VIT: variants seen among roughly 807,000 people sequenced by gnomAD.
VIT encodes the protein vitrin.
Under a neutral mutation model 78.0 loss-of-function variants are expected in VIT, and 99 were observed. The ratio of observed to expected loss-of-function variants is 1.27; its 90% CI spans 1.08 to 1.50. The LOEUF (loss-of-function observed/expected upper bound fraction) is 1.50, where lower values mean the gene tolerates loss of function less well. Among genes scored for constraint, VIT ranks in the 40% most tolerant of loss-of-function variants. VIT has a pLI of 0.00. For missense variants in VIT, 1,126 were observed against 875.3 expected (o/e 1.29, Z -3.61); for synonymous variants, 374 against 334.3 (o/e 1.12, Z -1.29).
intron 14 of VIT, 51 bp downstream of exon 14, chr2:36,805,715 A>C: frequency 6.4e-7 from 1 of 1,572,276 alleles, no homozygotes; most frequent in Non-Finnish European, 8.7e-7. Flanking sequence ...CTGCACTCTG[A>C]AAAATTGTAA....
chr2:36,762,112 G>A lies in VIT; in HGVS notation c.487+3066G>A, dbSNP rs563120973. ...AGTCTACTTGGTTTGTACGTTCTCC[G>A]CAGCAGAGACAATTTCTAAAACTAT... On this transcript the variant is annotated intron_variant, in intron 6 of 15. Coordinates refer to ENST00000379242, the MANE Select transcript of VIT (RefSeq NM_053276.4). Among the ~76,000 whole-genome samples, 37 of 152,288 alleles carry A rather than the reference G, an allele frequency of 2.4e-4. No individual in the cohort carries two copies. The South Asian group carries it at 6.2e-3, about 26-fold the overall frequency.
chr2:36,724,446 G>A lies in VIT; in HGVS notation c.53-4980G>A, dbSNP rs140089743. On this transcript the variant is annotated intron_variant, in intron 2 of 15. Coordinates refer to ENST00000379242, the MANE Select transcript of VIT (RefSeq NM_053276.4). Reference sequence around the variant, plus strand: ...GCCATCCATTCTGGTGCTCTGCTAGGCGTCCTAGGAAAACGAACACAAGAC... The same window carrying A: ...GCCATCCATTCTGGTGCTCTGCTAGACGTCCTAGGAAAACGAACACAAGAC... Among the ~76,000 whole-genome samples, 31 of 152,234 alleles carry A rather than the reference G, an allele frequency of 2.0e-4. No individual in the cohort carries two copies. The East Asian group carries it at 6.0e-3, about 29-fold the overall frequency.
intron 9 of VIT, among the ~76,000 whole-genome samples, chr2:36,778,996 C>T (rs182764094): frequency 1.7e-3 from 252 of 152,324 alleles, no homozygotes; most frequent in Non-Finnish European, 3.1e-3. Context: ...TTGCTTGGGT[C>T]CCGTGTTGGT....
intron 6 of VIT, chr2:36,759,462 G>A (rs1452716547): frequency 8.3e-7 from 1 of 1,209,618 alleles, no homozygotes; most frequent in Non-Finnish European, 1.0e-6. Flanking sequence ...ACAGCAAGCT[G>A]CTCATCCAAA....
At chr2:36,753,979 T>C (rs147144932) in intron 4 of VIT, among the ~76,000 whole-genome samples, 2 of 152,198 alleles carry the variant, frequency 1.3e-5, no homozygotes, top group African/African-American at 4.8e-5. Flanking sequence ...TTCTATGGAA[T>C]GAATGGCAAT....
chr2:36,773,659 G>A (rs1483776899), intron 7 of VIT, 132 bp from the exon 8 acceptor site: 2 of 673,278 alleles, frequency 3.0e-6, no homozygotes, highest in Non-Finnish European at 4.3e-6. Flanking sequence ...TGAACCCGGA[G>A]GTTGCAGTGA....
intron 4 of VIT, among the ~76,000 whole-genome samples, chr2:36,752,357 C>T (rs1209397709): frequency 1.3e-5 from 2 of 152,150 alleles, no homozygotes; most frequent in East Asian, 3.9e-4. Context: ...CCATTCGACA[C>T]CTGGCCCTAG....
chr2:36,777,837 G>T (rs552886788), intron 9 of VIT, among the ~76,000 whole-genome samples: 1 of 152,232 alleles, frequency 6.6e-6, no homozygotes, highest in African/African-American at 2.4e-5. Context: ...ATGGATAAAC[G>T]TGCCACCTGT....
At position 36,754,929 on chromosome 2, in the gene VIT, T is replaced by C; in HGVS notation, c.284T>C (p.Leu95Pro). The change falls in exon 5 of 16, where the codon CTT becomes CCT. Residue 95 changes from leucine to proline, a missense_variant. Physicochemically the swap from Leu to Pro is moderately conservative, Grantham distance 98. Coordinates refer to ENST00000379242, the MANE Select transcript of VIT (RefSeq NM_053276.4). Reference sequence around the variant, plus strand: ...ATTTTTTCTCTTCATAGTGGTGTGCTTGATAATTCAGGAGGGAAAATACTT... The same window carrying C: ...ATTTTTTCTCTTCATAGTGGTGTGCCTGATAATTCAGGAGGGAAAATACTT... Reference protein sequence around the residue: ...VCGAAVHSGVLDNSGGKILVR... With the variant: ...VCGAAVHSGVPDNSGGKILVR... 1 of 1,613,908 alleles carries C rather than the reference T, an allele frequency of 6.2e-7. No homozygotes were observed. Among genetic ancestry groups the C allele is most frequent in the Non-Finnish European group, 8.5e-7 (1 of 1,179,908 alleles).
intron 7 of VIT, among the ~76,000 whole-genome samples, chr2:36,767,500 C>T (rs1047392156): frequency 6.6e-6 from 1 of 152,200 alleles, no homozygotes; most frequent in African/African-American, 2.4e-5. Context: ...AGATAGAATA[C>T]TTTCCCATTG....
In VIT at chr2:36,754,584, T is replaced by C. The variant is rs192408424; in HGVS notation, c.276-337T>C. On this transcript the variant is annotated intron_variant, in intron 4 of 15. Coordinates refer to ENST00000379242, the MANE Select transcript of VIT (RefSeq NM_053276.4). Reference sequence around the variant, plus strand: ...CATTCTGTGCCATCACAAAACCAAATTGGAAACTGTCAAGAAAGAGGCTTT... The same window carrying C: ...CATTCTGTGCCATCACAAAACCAAACTGGAAACTGTCAAGAAAGAGGCTTT... 1.1e-3 allele frequency among the ~76,000 whole-genome samples: 165 copies of C among 152,112 alleles called. 2 individuals are homozygous for C. Among genetic ancestry groups the C allele is most frequent in the African/African-American group, 3.9e-3 (160 of 41,488 alleles).
intron 3 of VIT, among the ~76,000 whole-genome samples, chr2:36,735,776 C>G (rs181035548): frequency 1.2e-4 from 18 of 152,346 alleles, no homozygotes; most frequent in African/African-American, 4.1e-4. Context: ...CTCCATCACT[C>G]TTTGGGCTGA....
intron 13 of VIT, 127 bp from the exon 14 acceptor site, chr2:36,805,311 A>AG (rs1666629742): frequency 1.9e-6 from 2 of 1,028,508 alleles, no homozygotes; most frequent in South Asian, 4.1e-5. Flanking sequence ...CTCAAAGGAA[A>AG]AAAAAAAAAA....
chr2:36,707,703 A>T (rs138426193), intron 1 of VIT, among the ~76,000 whole-genome samples: 176 of 152,326 alleles, frequency 1.2e-3, no homozygotes, highest in African/African-American at 4.0e-3. Context: ...TGCTCTGCGT[A>T]GGCCACCAAC....
At chr2:36,723,266 T>C (rs901527179) in intron 2 of VIT, among the ~76,000 whole-genome samples, 1 of 152,194 alleles carries the variant, frequency 6.6e-6, no homozygotes, top group African/African-American at 2.4e-5. Context: ...TTAGAAATAA[T>C]GCTCTAATGA....
chr2:36,755,043 T>G lies in VIT; in HGVS notation c.398T>G (p.Phe133Cys). The G allele has an allele frequency of 6.2e-7, 1 of 1,614,080 alleles. No individual in the cohort carries two copies. Among genetic ancestry groups the G allele is most frequent in the Non-Finnish European group, 8.5e-7 (1 of 1,179,964 alleles). The stretch of plus-strand genomic sequence containing the variant: ...TCCCTACCACGATGGAGAGAATCCT[T>G]TATCGTCTTAGGTATGACCACACAC... ...SLSLPRWRES[F>C]IVLESKPKKG... Residue 133 changes from phenylalanine (F) to cysteine (C), a missense_variant, in exon 5 of 16, where the codon TTT (phenylalanine) becomes TGT (cysteine). By Grantham distance (205) the Phe-to-Cys change is radical (BLOSUM62 -2). Coordinates refer to ENST00000379242, the MANE Select transcript of VIT (RefSeq NM_053276.4).
At chr2:36,754,825 A>G (rs1190061707) in intron 4 of VIT, 96 bp from the exon 5 acceptor site, 2 of 1,388,794 alleles carry the variant, frequency 1.4e-6, no homozygotes, top group Non-Finnish European at 2.0e-6. Flanking sequence ...CTGCTTTCCT[A>G]TGTGTAAATA....
At chr2:36,749,980 A>G (rs892358789) in intron 4 of VIT, among the ~76,000 whole-genome samples, 1 of 152,214 alleles carries the variant, frequency 6.6e-6, no homozygotes, top group Non-Finnish European at 1.5e-5. Context: ...TTCATTGGCT[A>G]TAGTAATCTT....
At chr2:36,785,455 A>G (rs1394242888) in intron 11 of VIT, among the ~76,000 whole-genome samples, 2 of 152,242 alleles carry the variant, frequency 1.3e-5, no homozygotes, top group East Asian at 1.9e-4. Flanking sequence ...GATAAGCTGC[A>G]TATGAGAATC....
Sources: allele counts gnomAD v4.1 joint callset (sites outside exome capture counted in the v4.1 genomes callset), GRCh38; gene constraint gnomAD v4.1.1; transcripts MANE v1.5; gene names NCBI Gene and HGNC (gene_info 2026-07-23, HGNC 2026-07-21).